The following FNDC3B variants were observed in gnomAD, a reference collection of about 807,000 sequenced individuals.
FNDC3B encodes fibronectin type III domain-containing protein 3B.
In FNDC3B, 12 loss-of-function variants were observed where a neutral mutation model predicts 151.5. That is an observed-to-expected ratio of 0.08 (90% CI 0.05 to 0.13). The LOEUF (loss-of-function observed/expected upper bound fraction) is 0.13. Among genes scored for constraint, FNDC3B ranks in the 10% least tolerant of loss-of-function variants. FNDC3B has a pLI of 1.00. For synonymous variants in FNDC3B, 528 were observed against 549.0 expected, an observed-to-expected ratio of 0.96 and a Z score of 0.54; for missense variants, 1,214 against 1,505.3, an observed-to-expected ratio of 0.81 and a Z score of 3.20.
At chr3:172,298,908 G>C in intron 9 of FNDC3B, 121 bp downstream of exon 9, 1 of 592,160 alleles carries the variant, frequency 1.7e-6, no homozygotes, top group Non-Finnish European at 2.9e-6. Context: ...GTAGAACCAT[G>C]GCTTATGGGC....
chr3:172,156,148 G>T (rs1219635125), intron 3 of FNDC3B, among the ~76,000 whole-genome samples: 1 of 152,122 alleles, frequency 6.6e-6, no homozygotes, highest in Non-Finnish European at 1.5e-5. Flanking sequence ...GAGACTCTTT[G>T]TTTAAATGAA....
At chr3:172,262,154 T>G (rs1189141204) in intron 6 of FNDC3B, among the ~76,000 whole-genome samples, 1 of 152,174 alleles carries the variant, frequency 6.6e-6, no homozygotes, top group Non-Finnish European at 1.5e-5. Context: ...GACTGTGGAA[T>G]AAAGATAATT....
chr3:172,317,005 G>C (rs1001794345), intron 11 of FNDC3B, among the ~76,000 whole-genome samples: 1 of 152,156 alleles, frequency 6.6e-6, no homozygotes, highest in African/African-American at 2.4e-5. Flanking sequence ...GCGTGAGAGA[G>C]GGAAGGGAAC....
chr3:172,065,331 C>G (rs1717442235), intron 1 of FNDC3B, among the ~76,000 whole-genome samples: 1 of 151,754 alleles, frequency 6.6e-6, no homozygotes, highest in South Asian at 2.1e-4. Context: ...GACTCCGACT[C>G]AAAAGAAAAA....
At chr3:172,391,265 T>C (rs1000306124) in intron 25 of FNDC3B, among the ~76,000 whole-genome samples, 1 of 152,222 alleles carries the variant, frequency 6.6e-6, no homozygotes, top group Non-Finnish European at 1.5e-5. Context: ...CTCCAGCATA[T>C]TCCTTTTGCA....
intron 3 of FNDC3B, among the ~76,000 whole-genome samples, chr3:172,201,967 A>T (rs537063667): frequency 9.8e-5 from 15 of 152,324 alleles, no homozygotes; most frequent in Non-Finnish European, 1.9e-4. Context: ...TTTTTGCATG[A>T]TGTAATAACT....
intron 3 of FNDC3B, among the ~76,000 whole-genome samples, chr3:172,138,555 C>T (rs3891730): frequency 6.6e-6 from 1 of 151,922 alleles, no homozygotes; most frequent in Non-Finnish European, 1.5e-5. Flanking sequence ...TACAATGACC[C>T]TACATTATTA....
chr3:172,044,143 AAGAT>A (rs1334165581), intron 1 of FNDC3B, among the ~76,000 whole-genome samples: 1 of 152,222 alleles, frequency 6.6e-6, no homozygotes, highest in Non-Finnish European at 1.5e-5. Flanking sequence ...AACAGTAAGA[AAGAT>A]CTGTCCGATG....
At chr3:172,363,213 C>G (rs1372449668) in intron 23 of FNDC3B, among the ~76,000 whole-genome samples, 1 of 152,128 alleles carries the variant, frequency 6.6e-6, no homozygotes, top group Non-Finnish European at 1.5e-5. Context: ...GATGTTACCT[C>G]TTTAAATATT....
At chr3:172,295,319 T>G in intron 7 of FNDC3B, 44 bp from the exon 8 acceptor site, 1 of 1,570,466 alleles carries the variant, frequency 6.4e-7, no homozygotes, top group South Asian at 1.2e-5. Flanking sequence ...TCTGAAAATG[T>G]AAAATGGATT....
intron 3 of FNDC3B, among the ~76,000 whole-genome samples, chr3:172,202,045 A>G (rs1265103270): frequency 6.6e-6 from 1 of 152,236 alleles, no homozygotes; most frequent in Non-Finnish European, 1.5e-5. Context: ...TGGCTTCACA[A>G]ATAAACCCTT....
intron 25 of FNDC3B, among the ~76,000 whole-genome samples, chr3:172,388,134 T>C (rs1735814352): frequency 6.6e-6 from 1 of 152,198 alleles, no homozygotes; most frequent in Non-Finnish European, 1.5e-5. Context: ...CATGGTGCAA[T>C]TATATCTCCC....
At chr3:172,276,867 A>T (rs1313614561) in intron 6 of FNDC3B, among the ~76,000 whole-genome samples, 1 of 152,208 alleles carries the variant, frequency 6.6e-6, no homozygotes, top group Non-Finnish European at 1.5e-5. Context: ...ATTAAGAGAG[A>T]CTAGTAAAAA....
chr3:172,136,154 A>G (rs1721350819), intron 3 of FNDC3B, among the ~76,000 whole-genome samples: 1 of 151,928 alleles, frequency 6.6e-6, no homozygotes, highest in South Asian at 2.1e-4. Context: ...GTCAGGGAGG[A>G]CTCCATTCTC....
At chr3:172,179,450 A>G (rs1723770973) in intron 3 of FNDC3B, among the ~76,000 whole-genome samples, 1 of 152,150 alleles carries the variant, frequency 6.6e-6, no homozygotes. Flanking sequence ...CAAAACATTA[A>G]TTTTGTATGT....
intron 3 of FNDC3B, among the ~76,000 whole-genome samples, chr3:172,179,573 G>A (rs370049020): frequency 2.1e-5 from 2 of 95,994 alleles, no homozygotes; most frequent in African/African-American, 4.1e-5. Context: ...CACCACCTCC[G>A]ACCTCCACCC....
chr3:172,050,515 C>T (rs1716588792), intron 1 of FNDC3B, among the ~76,000 whole-genome samples: 1 of 152,042 alleles, frequency 6.6e-6, no homozygotes, highest in Non-Finnish European at 1.5e-5. Flanking sequence ...TCCGGAGCAG[C>T]TGGGATTACA....
chr3:172,069,788 G>A (rs548285097), intron 1 of FNDC3B, among the ~76,000 whole-genome samples: 106 of 152,294 alleles, frequency 7.0e-4, no homozygotes, highest in African/African-American at 2.5e-3. Flanking sequence ...CCAAGTAGGG[G>A]AATAGCCTAA....
Position 172,127,113 on chromosome 3 carries a change from T to C in FNDC3B, c.112-6358T>C, listed in dbSNP as rs778897187. On this transcript the variant is annotated intron_variant, in intron 2 of 25. Coordinates refer to ENST00000415807, the MANE Select transcript of FNDC3B (RefSeq NM_022763.4). ...AGAGCATGAAACATGGCAGATTTGG[T>C]AAAAAATTTTTCTTGAGACTGTAAT... The C allele has an allele frequency of 2.9e-5, 13 of 454,480 alleles. 1 individual carries two copies. Among genetic ancestry groups the C allele is most frequent in the Admixed American group, 2.6e-4 (11 of 41,774 alleles). 28.2% of individuals were successfully genotyped at this position (454,480 alleles called of 1,614,324 possible).
Sources: allele counts gnomAD v4.1 joint callset (sites outside exome capture counted in the v4.1 genomes callset), GRCh38; gene constraint gnomAD v4.1.1; transcripts MANE v1.5; gene names NCBI Gene and HGNC (gene_info 2026-07-23, HGNC 2026-07-21).